The following CRYBB2 variants were observed in gnomAD, a reference collection of about 807,000 sequenced individuals.
CRYBB2 encodes beta-crystallin B2.
A neutral mutation model predicts 24.3 loss-of-function variants in CRYBB2; 12 were observed. The observed-to-expected ratio is 0.49, with a 90% CI of 0.32 to 0.80. The LOEUF (loss-of-function observed/expected upper bound fraction) is 0.80, where lower values mean the gene tolerates loss of function less well. Among genes scored for constraint, CRYBB2 ranks in the 30% least tolerant of loss-of-function variants. The pLI is 0.04. For missense variants in CRYBB2, 198 were observed against 268.5 expected, an observed-to-expected ratio of 0.74 and a Z score of 1.83; for synonymous variants, 98 against 101.6, an observed-to-expected ratio of 0.96 and a Z score of 0.21.
At chr22:25,215,372 T>C (rs1164431271), upstream of CRYBB2, among the ~76,000 whole-genome samples, 1 of 152,250 alleles carries the variant, frequency 6.6e-6, no homozygotes, top group Non-Finnish European at 1.5e-5. Flanking sequence ...TTTCAGCCCA[T>C]CCCTTTGTTT....
At chr22:25,219,603 G>A (rs935451547), upstream of CRYBB2, 1 of 152,228 alleles carries the variant, frequency 6.6e-6, no homozygotes, top group Non-Finnish European at 1.5e-5. Flanking sequence ...CACTTCTGGG[G>A]AAGGTATAAA....
rs377737615 is a variant in CRYBB2, at chr22:25,231,779, C to T, written c.*7C>T. On this transcript the variant is annotated 3_prime_UTR_variant, in exon 6 of 6. Coordinates refer to ENST00000398215, the MANE Select transcript of CRYBB2 (RefSeq NM_000496.3). Reference sequence around the variant, plus strand: ...CTTCCACCCCTCCAACTAGTGCCCTCCCCACCATGCCTCCTTCCCAGGACC... The same window carrying T: ...CTTCCACCCCTCCAACTAGTGCCCTTCCCACCATGCCTCCTTCCCAGGACC... 3.7e-6 allele frequency: 6 copies of T among 1,613,528 alleles called. No individual in the cohort carries two copies. The African/African-American group carries it at 4.0e-5, about 11-fold the overall frequency.
Sources: gnomAD v4.1 joint callset for allele counts (sites outside exome capture counted in the v4.1 genomes callset) on GRCh38, gnomAD v4.1.1 for gene constraint, MANE v1.5 for transcripts, NCBI Gene and HGNC (gene_info 2026-07-23, HGNC 2026-07-21) for gene names.